The following BBOF1 variants were observed in gnomAD, a reference collection of about 807,000 sequenced individuals.
BBOF1 encodes basal body-orientation factor 1.
Under a neutral mutation model 68.0 loss-of-function variants are expected in BBOF1, and 62 were observed. The observed-to-expected ratio is 0.91, with a 90% CI of 0.74 to 1.13. The LOEUF (loss-of-function observed/expected upper bound fraction) is 1.13. BBOF1 is among the 50% of genes most tolerant of loss of function. The probability of loss-of-function intolerance (pLI) is 0.00; values close to 1 mark genes in which losing one functional copy is unlikely to be tolerated. For missense variants in BBOF1, 534 were observed against 600.1 expected (o/e 0.89, Z 1.15); for synonymous variants, 208 against 198.8 (o/e 1.05, Z -0.39).
At chr14:74,038,753 C>T (rs1431912392) in intron 4 of BBOF1, among the ~76,000 whole-genome samples, 1 of 152,024 alleles carries the variant, frequency 6.6e-6, no homozygotes, top group Non-Finnish European at 1.5e-5. Context: ...CCTGTGATAA[C>T]AGCACTTTGA....
intron 11 of BBOF1, among the ~76,000 whole-genome samples, chr14:74,062,589 A>G (rs528473787): frequency 1.1e-4 from 16 of 152,286 alleles, no homozygotes; most frequent in Admixed American, 9.2e-4. Flanking sequence ...TGACAGAGAA[A>G]GATTCCATCA....
chr14:74,061,317 T>TTA (rs1174778346), intron 11 of BBOF1, among the ~76,000 whole-genome samples: 11 of 151,292 alleles, frequency 7.3e-5, no homozygotes, highest in South Asian at 2.1e-4. Context: ...ATTTATTTAT[T>TTA]TTGAGACAGA....
chr14:74,079,495 G>A (rs1194483593), intron 10 of BBOF1, among the ~76,000 whole-genome samples: 2 of 149,470 alleles, frequency 1.3e-5, no homozygotes, highest in Non-Finnish European at 3.0e-5. Flanking sequence ...GTGCAGTTGC[G>A]CGATCTTGGC....
chr14:74,053,062 A>C (rs1025888245), intron 8 of BBOF1, among the ~76,000 whole-genome samples: 2 of 152,002 alleles, frequency 1.3e-5, no homozygotes, highest in South Asian at 4.1e-4. Context: ...TAAATTTTTT[A>C]AAAAATGAAG....
intron 5 of BBOF1, 80 bp downstream of exon 5, chr14:74,040,725 C>A: frequency 1.3e-6 from 1 of 788,842 alleles, no homozygotes; most frequent in Non-Finnish European, 2.0e-6. Flanking sequence ...AAACATCAGC[C>A]TTCCATTTGG....
At chr14:74,076,217 C>T (rs2060611122) in intron 9 of BBOF1, among the ~76,000 whole-genome samples, 1 of 152,004 alleles carries the variant, frequency 6.6e-6, no homozygotes, top group South Asian at 2.1e-4. Flanking sequence ...TTTAATAAAG[C>T]TATATTGAAA....
intron 6 of BBOF1, among the ~76,000 whole-genome samples, chr14:74,047,485 C>T (rs902158838): frequency 6.6e-6 from 1 of 151,846 alleles, no homozygotes; most frequent in Non-Finnish European, 1.5e-5. Context: ...GGCTGGAGTG[C>T]AGTGGTACAA....
downstream of BBOF1, chr14:74,067,486 A>T: frequency 6.2e-7 from 1 of 1,614,250 alleles, no homozygotes; most frequent in Non-Finnish European, 8.5e-7. Flanking sequence ...GCTGACCAGC[A>T]GCTCCAAATG....
chr14:74,043,692 G>A (rs1264043330), intron 5 of BBOF1, among the ~76,000 whole-genome samples: 1 of 149,878 alleles, frequency 6.7e-6, no homozygotes, highest in Non-Finnish European at 1.5e-5. Flanking sequence ...AGCCTCCTGA[G>A]TAGCTAATTT....
intron 11 of BBOF1, chr14:74,059,308 T>C: frequency 2.2e-6 from 1 of 447,646 alleles, no homozygotes; most frequent in Admixed American, 2.5e-5. Flanking sequence ...GCAGGTTAGA[T>C]TTGCTTAAGG....
At chr14:74,056,373 A>G (rs1178618251) in intron 9 of BBOF1, among the ~76,000 whole-genome samples, 1 of 151,238 alleles carries the variant, frequency 6.6e-6, no homozygotes, top group Non-Finnish European at 1.5e-5. Flanking sequence ...TAATTTTTGT[A>G]TTTTTTTGTA....
intron 9 of BBOF1, chr14:74,072,588 A>C: frequency 6.2e-7 from 1 of 1,613,936 alleles, no homozygotes; most frequent in African/African-American, 1.3e-5. Flanking sequence ...CGAATTTCCC[A>C]CCAATGAAGA....
At chr14:74,028,116 C>A (rs2059475336) in intron 2 of BBOF1, among the ~76,000 whole-genome samples, 1 of 151,962 alleles carries the variant, frequency 6.6e-6, no homozygotes, top group Non-Finnish European at 1.5e-5. Flanking sequence ...GCCTGTAATC[C>A]CAGCACTTTG....
downstream of BBOF1, chr14:74,066,851 T>A: frequency 6.2e-7 from 1 of 1,613,766 alleles, no homozygotes; most frequent in Non-Finnish European, 8.5e-7. Flanking sequence ...GCCTGGGGAG[T>A]GATCAGAGGG....
At chr14:74,059,433 T>C (rs1455492352) in intron 11 of BBOF1, 3 of 453,876 alleles carry the variant, frequency 6.6e-6, no homozygotes, top group Non-Finnish European at 1.3e-5. Flanking sequence ...TGGTGGCTCA[T>C]GCCTGTAATC....
In BBOF1 at chr14:74,076,486, C is replaced by A. The variant is rs191553379; in HGVS notation, n.1380-1710C>A. Among the ~76,000 whole-genome samples, 176 of 151,864 alleles carry A rather than the reference C, an allele frequency of 1.2e-3. 1 individual carries two copies. The highest frequency in any genetic ancestry group is 2.9e-3 in the South Asian group (14 of 4,818). On this transcript the variant is annotated intron_variant and non_coding_transcript_variant, in intron 9 of 12. Coordinates refer to the BBOF1 transcript ENST00000492026. The stretch of plus-strand genomic sequence containing the variant: ...AAGCGATTCTCCTGCCTCAGCCTGC[C>A]AAGTAGCTCAGATTATAGGTGTCTG...
intron 1 of BBOF1, among the ~76,000 whole-genome samples, chr14:74,020,332 GT>G (rs1183335874): frequency 6.6e-6 from 1 of 151,878 alleles, no homozygotes; most frequent in African/African-American, 2.4e-5. Context: ...ACTAACATAT[GT>G]TTTCAGATTT....
At chr14:74,034,600 A>C (rs929599661) in intron 4 of BBOF1, among the ~76,000 whole-genome samples, 1 of 152,246 alleles carries the variant, frequency 6.6e-6, no homozygotes, top group Non-Finnish European at 1.5e-5. Context: ...GTACTTTCAG[A>C]AAATTTATGT....
intron 1 of BBOF1, among the ~76,000 whole-genome samples, chr14:74,020,505 C>CT (rs33959730): frequency 3.6e-4 from 53 of 147,760 alleles, no homozygotes; most frequent in Admixed American, 6.1e-4. Flanking sequence ...GCATCAAGTA[C>CT]TTTTTTTTTT....
Sources: allele counts gnomAD v4.1 joint callset (sites outside exome capture counted in the v4.1 genomes callset), GRCh38; gene constraint gnomAD v4.1.1; transcripts MANE v1.5; gene names NCBI Gene and HGNC (gene_info 2026-07-23, HGNC 2026-07-21).